The following BAZ2B variants were observed in gnomAD, a reference collection of about 807,000 sequenced individuals.
BAZ2B encodes the protein bromodomain adjacent to zinc finger domain 2B.
Under a neutral mutation model 246.0 loss-of-function variants are expected in BAZ2B, and 91 were observed. That is an observed-to-expected ratio of 0.37 (90% CI 0.31 to 0.44). The LOEUF (loss-of-function observed/expected upper bound fraction) is 0.44, where lower values mean the gene tolerates loss of function less well. Ranked by LOEUF, BAZ2B falls within the 20% of genes least tolerant of loss-of-function variation. The pLI is 1.00. For missense variants in BAZ2B, 2,332 were observed against 2,533.7 expected, an observed-to-expected ratio of 0.92 and a Z score of 1.71; for synonymous variants, 855 against 860.0, an observed-to-expected ratio of 0.99 and a Z score of 0.10.
chr2:159,523,367 A>T (rs939691901), intron 2 of BAZ2B, among the ~76,000 whole-genome samples: 4 of 152,090 alleles, frequency 2.6e-5, no homozygotes, highest in Admixed American at 2.6e-4. Context: ...GTGCCACTGC[A>T]CTCTAGCCTG....
At chr2:159,688,928 C>T in the BAZ2B span, among the ~76,000 whole-genome samples, 1 of 152,190 alleles carries the variant, frequency 6.6e-6, no homozygotes, top group Non-Finnish European at 1.5e-5. Context: ...TTAGTGTTAA[C>T]TTTCACAACT....
the BAZ2B span, among the ~76,000 whole-genome samples, chr2:159,691,225 G>A: frequency 6.6e-6 from 1 of 151,906 alleles, no homozygotes; most frequent in African/African-American, 2.4e-5. Context: ...GCCTAATATT[G>A]AAACAATCTT....
At chr2:159,339,090 T>C (rs1043965372) in intron 31 of BAZ2B, among the ~76,000 whole-genome samples, 5 of 152,148 alleles carry the variant, frequency 3.3e-5, no homozygotes, top group Non-Finnish European at 7.4e-5. Flanking sequence ...TTTTATCTTA[T>C]ATACTAGGAT....
chr2:159,315,728 T>C (rs1231131783), downstream of BAZ2B, among the ~76,000 whole-genome samples: 1 of 152,208 alleles, frequency 6.6e-6, no homozygotes, highest in Non-Finnish European at 1.5e-5. Context: ...GGATTATACA[T>C]GGGCATGAAT....
At chr2:159,689,796 G>A in the BAZ2B span, 1 of 505,598 alleles carries the variant, frequency 2.0e-6, no homozygotes, top group South Asian at 2.3e-5. Context: ...TCATTTGTCT[G>A]CACCTCTTGG....
At chr2:159,614,827 A>G (rs972837149) in intron 1 of BAZ2B, among the ~76,000 whole-genome samples, 2 of 152,184 alleles carry the variant, frequency 1.3e-5, no homozygotes, top group Non-Finnish European at 1.5e-5. Flanking sequence ...CAGGAGAAAA[A>G]TTAAGCAAAA....
intron 3 of BAZ2B, among the ~76,000 whole-genome samples, chr2:159,472,249 G>A (rs1392303266): frequency 2.0e-5 from 3 of 152,022 alleles, no homozygotes; most frequent in Admixed American, 2.0e-4. Context: ...TCATGATTTG[G>A]CTGTTTGTCT....
chr2:159,478,139 A>C (rs1342824771), intron 3 of BAZ2B, among the ~76,000 whole-genome samples: 3 of 152,168 alleles, frequency 2.0e-5, no homozygotes, highest in African/African-American at 7.2e-5. Flanking sequence ...GTTATGCTCT[A>C]AACTTTAAAA....
intron 3 of BAZ2B, among the ~76,000 whole-genome samples, chr2:159,457,639 C>T (rs969561245): frequency 1.3e-5 from 2 of 152,186 alleles, no homozygotes; most frequent in Admixed American, 1.3e-4. Context: ...GATTTGATCA[C>T]ACAGAATCCT....
chr2:159,464,806 A>T (rs925654029), intron 3 of BAZ2B: 1 of 152,250 alleles, frequency 6.6e-6, no homozygotes, highest in African/African-American at 2.4e-5. Context: ...TGCTAAAAAT[A>T]CGGAATATTT....
chr2:159,670,620 C>T, the BAZ2B span: 1 of 152,060 alleles, frequency 6.6e-6, no homozygotes, highest in Non-Finnish European at 1.5e-5. Flanking sequence ...TCCAAAACTC[C>T]AATGTTATAA....
At chr2:159,427,865 T>C in intron 13 of BAZ2B, 76 bp downstream of exon 13, 1 of 1,150,568 alleles carries the variant, frequency 8.7e-7, no homozygotes. Flanking sequence ...TGCTCCAGAG[T>C]GTAGTGAAAT....
At chr2:159,347,340 G>A in intron 31 of BAZ2B, 146 bp downstream of exon 31, 1 of 963,832 alleles carries the variant, frequency 1.0e-6, no homozygotes. Context: ...TTAACAGATG[G>A]GGCAAATTAA....
the BAZ2B span, among the ~76,000 whole-genome samples, chr2:159,701,130 G>T: frequency 5.9e-5 from 9 of 152,160 alleles, no homozygotes; most frequent in African/African-American, 2.2e-4. Flanking sequence ...AGAATAAAAT[G>T]TATTTCTAAT....
At position 159,439,003 on chromosome 2, in the gene BAZ2B, T is replaced by C; in HGVS notation, c.900+6A>G. ...GTTTGGATACTGTCCATGAAAAAAA[T>C]TATACCTGGTTGTTACTTTTATGTT... On this transcript the variant is annotated splice_donor_region_variant and intron_variant, in intron 7 of 36. Coordinates refer to ENST00000392783, the MANE Select transcript of BAZ2B (RefSeq NM_013450.4). 3.1e-6 allele frequency: 5 copies of C among 1,611,848 alleles called. No individual in the cohort carries two copies. The highest frequency in any genetic ancestry group is 4.2e-6 in the Non-Finnish European group (5 of 1,179,380).
intron 6 of BAZ2B, among the ~76,000 whole-genome samples, chr2:159,443,822 G>A (rs2073852757): frequency 6.6e-6 from 1 of 152,072 alleles, no homozygotes; most frequent in Non-Finnish European, 1.5e-5. Flanking sequence ...TAGTATGACA[G>A]CACTGATTCT....
chr2:159,657,152 A>G, the BAZ2B span, among the ~76,000 whole-genome samples: 216 of 152,228 alleles, frequency 1.4e-3, no homozygotes, highest in Admixed American at 3.1e-3. Flanking sequence ...ATGCTTAATT[A>G]ATTTTTCTGA....
At chr2:159,371,876 C>T (rs1288327170) in intron 27 of BAZ2B, among the ~76,000 whole-genome samples, 2 of 152,130 alleles carry the variant, frequency 1.3e-5, no homozygotes, top group African/African-American at 4.8e-5. Flanking sequence ...GTGCAGAATC[C>T]TAACATTATT....
At chr2:159,371,485 TA>T (rs2149394215) in intron 27 of BAZ2B, among the ~76,000 whole-genome samples, 1 of 152,338 alleles carries the variant, frequency 6.6e-6, no homozygotes, top group African/African-American at 2.4e-5. Flanking sequence ...AATTTATCTC[TA>T]ATTTCCACTT....
Sources: allele counts gnomAD v4.1 joint callset (sites outside exome capture counted in the v4.1 genomes callset), GRCh38; gene constraint gnomAD v4.1.1; transcripts MANE v1.5; gene names NCBI Gene and HGNC (gene_info 2026-07-23, HGNC 2026-07-21).